EXOC6: variants seen among roughly 807,000 people sequenced by gnomAD.
The protein encoded by EXOC6 is SEC15-like 1.
A neutral mutation model predicts 112.5 loss-of-function variants in EXOC6; 60 were observed. The observed-to-expected ratio is 0.53, with a 90% CI of 0.43 to 0.66. The LOEUF (loss-of-function observed/expected upper bound fraction) is 0.66. Ranked by LOEUF, EXOC6 falls within the 30% of genes least tolerant of loss-of-function variation. The probability of loss-of-function intolerance (pLI) is 0.00; values close to 1 mark genes in which losing one functional copy is unlikely to be tolerated. For missense variants in EXOC6, 855 were observed against 957.1 expected (o/e 0.89, Z 1.41); for synonymous variants, 295 against 308.0 (o/e 0.96, Z 0.44).
At chr10:93,008,735 A>C (rs1844108171) in intron 19 of EXOC6, among the ~76,000 whole-genome samples, 1 of 152,210 alleles carries the variant, frequency 6.6e-6, no homozygotes, top group Admixed American at 6.5e-5. Flanking sequence ...ACTGTTTCCT[A>C]GGTGACAGGT....
chr10:92,920,126 A>T (rs1332058467), intron 8 of EXOC6, 76 bp downstream of exon 8: 1 of 845,218 alleles, frequency 1.2e-6, no homozygotes, highest in African/African-American at 1.7e-5. Flanking sequence ...GGCCCTAAAA[A>T]TTGATCATAT....
intron 20 of EXOC6, among the ~76,000 whole-genome samples, chr10:93,019,503 A>G (rs998825157): frequency 4.6e-5 from 7 of 152,182 alleles, no homozygotes; most frequent in African/African-American, 1.7e-4. Context: ...CAATCTAATT[A>G]TTTACATAAG....
Position 92,909,399 on chromosome 10 carries a change from TAG to T in EXOC6, c.459-25_459-24del. The stretch of plus-strand genomic sequence containing the variant: ...AAAATATTGTGATAAGAACTTTTTA[TAG>T]AGTTTTCTTTTTTAACTTCTCACAG... On this transcript the variant is annotated intron_variant, in intron 5 of 21. Coordinates refer to ENST00000260762, the MANE Select transcript of EXOC6 (RefSeq NM_019053.6). 6 of 1,493,032 alleles carry T rather than the reference TAG, an allele frequency of 4.0e-6. 1 individual carries two copies. The highest frequency in any genetic ancestry group is 5.5e-6 in the Non-Finnish European group (6 of 1,094,096). The allele number at this position is 1,493,032 out of a possible 1,614,324, so 92.5% of individuals were successfully genotyped here.
chr10:92,949,784 CAG>C (rs1469938249), intron 14 of EXOC6, among the ~76,000 whole-genome samples: 2 of 152,040 alleles, frequency 1.3e-5, no homozygotes, highest in Admixed American at 1.3e-4. Context: ...TTAGTAGAGA[CAG>C]GGTTTCACCG....
chr10:92,922,493 C>T (rs929625908), intron 8 of EXOC6, among the ~76,000 whole-genome samples: 2 of 152,132 alleles, frequency 1.3e-5, no homozygotes, highest in Admixed American at 6.5e-5. Context: ...AAAAGGGTTA[C>T]ATTAATATGT....
upstream of EXOC6, among the ~76,000 whole-genome samples, chr10:92,843,691 C>CA (rs988516753): frequency 6.6e-6 from 1 of 151,482 alleles, no homozygotes; most frequent in African/African-American, 2.4e-5. Flanking sequence ...TAGTAAAATA[C>CA]AAAAAATTAG....
chr10:93,040,610 C>T (rs552769900), intron 20 of EXOC6, among the ~76,000 whole-genome samples: 1 of 152,314 alleles, frequency 6.6e-6, no homozygotes, highest in East Asian at 1.9e-4. Flanking sequence ...CCCTCATTTG[C>T]ATCCTTAAAA....
chr10:92,934,007 CCCTGGTA>C, intron 9 of EXOC6, 130 bp from the exon 10 acceptor site: 1 of 529,096 alleles, frequency 1.9e-6, no homozygotes, highest in Non-Finnish European at 3.4e-6. Flanking sequence ...ACAGATATAT[CCCTGGTA>C]CCTAAAAATG....
At chr10:92,977,381 A>G (rs572146129) in intron 18 of EXOC6, among the ~76,000 whole-genome samples, 16 of 152,234 alleles carry the variant, frequency 1.1e-4, no homozygotes, top group African/African-American at 3.9e-4. Flanking sequence ...TTAATGGAAG[A>G]CTATTTTAAA....
intron 7 of EXOC6, among the ~76,000 whole-genome samples, chr10:92,918,521 C>T (rs948652392): frequency 5.3e-5 from 8 of 151,758 alleles, no homozygotes; most frequent in African/African-American, 1.9e-4. Flanking sequence ...TTCAAATGCT[C>T]CTCCTGCTTC....
intron 1 of EXOC6, among the ~76,000 whole-genome samples, chr10:92,871,781 C>T (rs965196948): frequency 6.6e-6 from 1 of 152,056 alleles, no homozygotes; most frequent in African/African-American, 2.4e-5. Flanking sequence ...GTACTCCAGC[C>T]TGGGTGACAG....
At chr10:92,969,996 C>T (rs7477130) in intron 17 of EXOC6, among the ~76,000 whole-genome samples, 118,279 of 152,152 alleles carry the variant, frequency 0.78, 47,320 homozygotes, top group East Asian at 0.99. Context: ...ACCTGGTCGA[C>T]TATTGTATTT....
chr10:92,847,970 T>A (rs995594165), upstream of EXOC6, among the ~76,000 whole-genome samples: 2 of 151,226 alleles, frequency 1.3e-5, no homozygotes, highest in African/African-American at 4.8e-5. Flanking sequence ...GGGACATGAA[T>A]CCACCTGGAG....
intron 7 of EXOC6, among the ~76,000 whole-genome samples, chr10:92,916,523 A>C (rs907341750): frequency 2.6e-5 from 4 of 152,180 alleles, no homozygotes; most frequent in African/African-American, 9.7e-5. Context: ...AAGAAGAAAA[A>C]AAACAAACAA....
chr10:92,843,189 C>T lies in EXOC6; in HGVS notation c.86+8365C>T, dbSNP rs552060103. Among the ~76,000 whole-genome samples the T allele has an allele frequency of 5.3e-5, 8 of 152,276 alleles. No individual in the cohort carries two copies. In the South Asian group the frequency reaches 6.2e-4, roughly 12 times the overall value. ...GGGGTCCAGATCTTTATGGAACAGC[C>T]GATTCCTGCACAGGGTTTTACAGCA... is the stretch of plus-strand genomic sequence containing the variant. On this transcript the variant is annotated intron_variant, in intron 1 of 21. Transcript: ENST00000371552.
At chr10:93,009,665 G>A (rs915563357) in intron 19 of EXOC6, among the ~76,000 whole-genome samples, 1 of 152,150 alleles carries the variant, frequency 6.6e-6, no homozygotes, top group Admixed American at 6.6e-5. Flanking sequence ...ATAAATAAGA[G>A]TTTACCCAGA....
intron 12 of EXOC6, among the ~76,000 whole-genome samples, chr10:92,937,693 A>G (rs1852426993): frequency 6.6e-6 from 1 of 152,030 alleles, no homozygotes; most frequent in Non-Finnish European, 1.5e-5. Context: ...AACTTTTGGG[A>G]AGTTTTATTT....
chr10:92,941,964 C>T (rs1852691241), intron 13 of EXOC6, among the ~76,000 whole-genome samples: 1 of 151,974 alleles, frequency 6.6e-6, no homozygotes, highest in South Asian at 2.1e-4. Context: ...CTTGTTTACC[C>T]AAAATATGAT....
chr10:93,010,518 G>A (rs924356085), intron 19 of EXOC6, among the ~76,000 whole-genome samples: 1 of 151,998 alleles, frequency 6.6e-6, no homozygotes, highest in African/African-American at 2.4e-5. Flanking sequence ...GGCCAACATG[G>A]TGAAACCCTC....
Sources: gnomAD v4.1 joint callset for allele counts (sites outside exome capture counted in the v4.1 genomes callset) on GRCh38, gnomAD v4.1.1 for gene constraint, MANE v1.5 for transcripts, NCBI Gene and HGNC (gene_info 2026-07-23, HGNC 2026-07-21) for gene names.